Variants in KLF12 observed in about 807,000 individuals in gnomAD.
KLF12 encodes the protein KLF transcription factor 12, also known as Krueppel-like factor 12.
A neutral mutation model predicts 37.8 loss-of-function variants in KLF12; 9 were observed. That is an observed-to-expected ratio of 0.24 (90% CI 0.14 to 0.42). The LOEUF (loss-of-function observed/expected upper bound fraction) is 0.42, where lower values mean the gene tolerates loss of function less well. KLF12 is among the 10% of genes least tolerant of loss of function. The pLI is 1.00. For synonymous variants in KLF12, 208 were observed against 202.1 expected, an observed-to-expected ratio of 1.03 and a Z score of -0.25; for missense variants, 411 against 516.0, an observed-to-expected ratio of 0.80 and a Z score of 1.97.
At chr13:74,300,217 A>T in the KLF12 span, among the ~76,000 whole-genome samples, 1 of 151,006 alleles carries the variant, frequency 6.6e-6, no homozygotes. Context: ...AAATGCTATC[A>T]TCCTTGATAA....
intron 1 of KLF12, among the ~76,000 whole-genome samples, chr13:74,057,546 A>G (rs543503593): frequency 1.3e-5 from 2 of 152,342 alleles, no homozygotes; most frequent in South Asian, 2.1e-4. Flanking sequence ...AAAAAAGACA[A>G]TTTTGACCAT....
the KLF12 span, among the ~76,000 whole-genome samples, chr13:74,296,237 C>T: frequency 6.6e-6 from 1 of 151,510 alleles, no homozygotes; most frequent in Admixed American, 6.6e-5. Flanking sequence ...TGCTATAATA[C>T]TTATTTCACA....
chr13:74,020,308 T>C (rs1179883100), intron 1 of KLF12, among the ~76,000 whole-genome samples: 5 of 152,148 alleles, frequency 3.3e-5, no homozygotes, highest in African/African-American at 1.2e-4. Flanking sequence ...ATTCAACCTA[T>C]CACAGCTGTG....
intron 4 of KLF12, among the ~76,000 whole-genome samples, chr13:73,840,461 A>T (rs1884680129): frequency 6.6e-6 from 1 of 152,160 alleles, no homozygotes; most frequent in South Asian, 2.1e-4. Context: ...TAAAATGTGG[A>T]ACAGGCATAT....
chr13:74,303,425 G>A, the KLF12 span, among the ~76,000 whole-genome samples: 2 of 152,044 alleles, frequency 1.3e-5, no homozygotes, highest in African/African-American at 4.8e-5. Flanking sequence ...GCTAACTTCT[G>A]TTTTCTTTGT....
chr13:74,016,808 C>T (rs150315527), intron 1 of KLF12, among the ~76,000 whole-genome samples: 23 of 152,270 alleles, frequency 1.5e-4, no homozygotes, highest in Non-Finnish European at 3.4e-4. Flanking sequence ...GTACATGGTG[C>T]ACCAAAAGGC....
At chr13:73,824,098 A>G (rs908116912) in intron 4 of KLF12, among the ~76,000 whole-genome samples, 1 of 152,062 alleles carries the variant, frequency 6.6e-6, no homozygotes, top group African/African-American at 2.4e-5. Flanking sequence ...CAAGAATTAC[A>G]TATTTCTTGT....
At chr13:73,848,751 A>G (rs1260539198) in intron 3 of KLF12, among the ~76,000 whole-genome samples, 1 of 152,072 alleles carries the variant, frequency 6.6e-6, no homozygotes, top group Admixed American at 6.6e-5. Flanking sequence ...GAATATAGAA[A>G]AGGCTCACAA....
Position 73,715,593 on chromosome 13 carries a change from G to C in KLF12, c.870-68C>G, listed in dbSNP as rs1875742478. 5 of 1,496,070 alleles carry C rather than the reference G, an allele frequency of 3.3e-6. No individual in the cohort carries two copies. The East Asian group carries it at 1.1e-4, about 34-fold the overall frequency. 92.7% of individuals were successfully genotyped at this position (1,496,070 alleles called of 1,614,324 possible). On this transcript the variant is annotated intron_variant, in intron 6 of 7. Coordinates refer to ENST00000377669, the MANE Select transcript of KLF12 (RefSeq NM_007249.5). ...GCCCCATTTTGGTTCTGGTGGCATG[G>C]GAACATTGTCTCAGACACTACAGCT...
At chr13:73,892,180 C>T (rs1887540464) in intron 3 of KLF12, among the ~76,000 whole-genome samples, 2 of 152,096 alleles carry the variant, frequency 1.3e-5, no homozygotes, top group Non-Finnish European at 2.9e-5. Context: ...AATTCTTCTT[C>T]ATCATCAGAA....
chr13:74,274,747 A>G, the KLF12 span, among the ~76,000 whole-genome samples: 1 of 150,852 alleles, frequency 6.6e-6, no homozygotes, highest in South Asian at 2.1e-4. Flanking sequence ...GTCTTTATGT[A>G]TGTGTAAGCA....
At chr13:73,888,821 T>C (rs1318179592) in intron 3 of KLF12, among the ~76,000 whole-genome samples, 1 of 152,232 alleles carries the variant, frequency 6.6e-6, no homozygotes, top group Non-Finnish European at 1.5e-5. Flanking sequence ...TCTGCCGTGC[T>C]TCATGCTCTT....
At chr13:74,290,482 C>G in the KLF12 span, among the ~76,000 whole-genome samples, 229 of 152,228 alleles carry the variant, frequency 1.5e-3, no homozygotes, top group Admixed American at 3.7e-3. Context: ...TCCCTCCACC[C>G]CTCTGCGTGA....
At chr13:73,925,860 C>T (rs778300816) in intron 3 of KLF12, among the ~76,000 whole-genome samples, 2 of 152,114 alleles carry the variant, frequency 1.3e-5, no homozygotes, top group African/African-American at 2.4e-5. Flanking sequence ...GTGTTTAAGA[C>T]TTCAGCGGAG....
chr13:74,135,085 G>A (rs1158849107), upstream of KLF12, among the ~76,000 whole-genome samples: 1 of 151,252 alleles, frequency 6.6e-6, no homozygotes, highest in Non-Finnish European at 1.5e-5. Context: ...GCCGGGCGCG[G>A]CAGGCAGGGG....
intron 3 of KLF12, among the ~76,000 whole-genome samples, chr13:73,941,200 T>C (rs548055054): frequency 6.6e-6 from 1 of 152,324 alleles, no homozygotes; most frequent in East Asian, 1.9e-4. Flanking sequence ...TTCATTGTTG[T>C]GACACAGACA....
chr13:74,079,417 A>G (rs1042654683), intron 1 of KLF12, among the ~76,000 whole-genome samples: 5 of 152,260 alleles, frequency 3.3e-5, no homozygotes, highest in African/African-American at 1.2e-4. Flanking sequence ...AAAAATAACA[A>G]AAAGATTTCC....
intron 1 of KLF12, among the ~76,000 whole-genome samples, chr13:74,006,688 A>C (rs1892417499): frequency 6.6e-6 from 1 of 152,214 alleles, no homozygotes; most frequent in Non-Finnish European, 1.5e-5. Context: ...CCTTTCAGTC[A>C]GAAGTCATCA....
chr13:74,181,713 A>C, the KLF12 span, among the ~76,000 whole-genome samples: 1,046 of 85,274 alleles, frequency 0.012, 22 homozygotes, highest in African/African-American at 0.11. Flanking sequence ...AAAAAAAAAC[A>C]AAAAAAAAAA....
Sources: allele counts gnomAD v4.1 joint callset (sites outside exome capture counted in the v4.1 genomes callset), GRCh38; gene constraint gnomAD v4.1.1; transcripts MANE v1.5; gene names NCBI Gene and HGNC (gene_info 2026-07-23, HGNC 2026-07-21).